DOCK9: variants seen among roughly 807,000 people sequenced by gnomAD.
DOCK9 encodes dedicator of cytokinesis 9, also known as dedicator of cytokinesis protein 9.
DOCK9 carries 89 observed loss-of-function variants against 263.3 expected under a neutral mutation model. The ratio of observed to expected loss-of-function variants is 0.34; its 90% CI spans 0.28 to 0.40. DOCK9 has a LOEUF of 0.40. DOCK9 is among the 10% of genes least tolerant of loss of function. The pLI is 1.00. For missense variants in DOCK9, 2,140 were observed against 2,603.4 expected (o/e 0.82, Z 3.87); for synonymous variants, 976 against 973.1 (o/e 1.00, Z -0.06).
chr13:99,058,088 T>C (rs941376515), intron 1 of DOCK9, among the ~76,000 whole-genome samples: 2 of 151,670 alleles, frequency 1.3e-5, no homozygotes, highest in African/African-American at 4.8e-5. Context: ...AAGAAAAATA[T>C]GAAATGTCCC....
intron 1 of DOCK9, among the ~76,000 whole-genome samples, chr13:98,960,701 G>C (rs558209938): frequency 5.3e-5 from 8 of 152,296 alleles, no homozygotes; most frequent in African/African-American, 1.9e-4. Context: ...CTGGGAACTG[G>C]TTACAAACGT....
At chr13:99,046,892 G>A (rs1199760259) in intron 1 of DOCK9, among the ~76,000 whole-genome samples, 2 of 152,186 alleles carry the variant, frequency 1.3e-5, no homozygotes, top group African/African-American at 4.8e-5. Context: ...TTTTTAAAAG[G>A]TTCCTGTTTA....
intron 1 of DOCK9, among the ~76,000 whole-genome samples, chr13:99,032,067 A>T (rs941235930): frequency 6.6e-6 from 1 of 152,208 alleles, no homozygotes; most frequent in Non-Finnish European, 1.5e-5. Flanking sequence ...ACTAATGATA[A>T]CCCATCAGAG....
chr13:98,979,242 G>GGCAGCAGCA (rs71114566), upstream of DOCK9, among the ~76,000 whole-genome samples: 1 of 136,176 alleles, frequency 7.3e-6, no homozygotes. Context: ...CAGCAGCGGC[G>GGCAGCAGCA]GCAGCAGCAG....
chr13:98,965,652 GCATACA>G (rs1210871553), intron 1 of DOCK9, among the ~76,000 whole-genome samples: 1 of 152,138 alleles, frequency 6.6e-6, no homozygotes, highest in East Asian at 1.9e-4. Context: ...TTGACAATGT[GCATACA>G]CATGTAATCT....
intron 1 of DOCK9, among the ~76,000 whole-genome samples, chr13:99,045,714 A>G (rs2142161771): frequency 6.6e-6 from 1 of 152,190 alleles, no homozygotes; most frequent in Middle Eastern, 3.4e-3. Context: ...CCCTAAATAT[A>G]CGGAATTTTT....
intron 50 of DOCK9, among the ~76,000 whole-genome samples, chr13:98,798,928 C>A (rs923509914): frequency 6.6e-6 from 1 of 152,150 alleles, no homozygotes; most frequent in African/African-American, 2.4e-5. Flanking sequence ...CCAGCCCTAC[C>A]CTGGACTGGT....
chr13:98,875,320 T>C (rs924702021), intron 27 of DOCK9, among the ~76,000 whole-genome samples: 2 of 108,358 alleles, frequency 1.8e-5, no homozygotes, highest in Non-Finnish European at 4.4e-5. Context: ...CTATCACATA[T>C]GTATAGTGTT....
chr13:99,050,770 CATCT>C (rs1162518020), intron 1 of DOCK9, among the ~76,000 whole-genome samples: 1 of 152,196 alleles, frequency 6.6e-6, no homozygotes, highest in East Asian at 1.9e-4. Context: ...AAACTCTCTC[CATCT>C]ATCCCCTAGA....
At position 98,830,364 on chromosome 13, in the gene DOCK9, G is replaced by A. The variant is rs1290660722; in HGVS notation, c.4636-608C>T. The stretch of plus-strand genomic sequence containing the variant: ...CTTCCTTCTTACCTCACCATCCCTG[G>A]TCTAGGATACCATCCTCTCTGACCT... On this transcript the variant is annotated intron_variant, in intron 41 of 52. Transcript: ENST00000682017. 5.9e-5 allele frequency among the ~76,000 whole-genome samples: 9 copies of A among 152,132 alleles called. No individual in the cohort carries two copies. The South Asian group carries it at 1.7e-3, about 28-fold the overall frequency.
intron 33 of DOCK9, chr13:98,859,900 C>G (rs2093812684): frequency 6.5e-6 from 1 of 152,774 alleles, no homozygotes; most frequent in African/African-American, 2.4e-5. Flanking sequence ...ACGTGTTTTT[C>G]TCTCAGAGGT....
intron 2 of DOCK9, among the ~76,000 whole-genome samples, chr13:98,942,453 T>C (rs1322202011): frequency 6.6e-6 from 1 of 152,076 alleles, no homozygotes; most frequent in Non-Finnish European, 1.5e-5. Context: ...TTAGCCAGGA[T>C]GGTCTCGATC....
intron 7 of DOCK9, among the ~76,000 whole-genome samples, chr13:98,919,205 G>T (rs987051161): frequency 3.3e-5 from 5 of 152,018 alleles, no homozygotes; most frequent in Admixed American, 1.3e-4. Context: ...CGCCTCCCAG[G>T]TTCAAGTGAT....
chr13:99,014,671 A>G (rs1885097915), intron 1 of DOCK9, among the ~76,000 whole-genome samples: 1 of 152,226 alleles, frequency 6.6e-6, no homozygotes, highest in African/African-American at 2.4e-5. Flanking sequence ...ACTCTGAGAT[A>G]TATTTGTCCC....
chr13:98,951,819 A>ATCAGCTAGTGAC (rs1209830938), intron 2 of DOCK9, among the ~76,000 whole-genome samples: 1 of 152,136 alleles, frequency 6.6e-6, no homozygotes, highest in African/African-American at 2.4e-5. Flanking sequence ...AAGAAGGGCC[A>ATCAGCTAGTGAC]TCAGCTAGTG....
At chr13:98,906,855 C>G (rs1279779500) in intron 9 of DOCK9, among the ~76,000 whole-genome samples, 1 of 152,170 alleles carries the variant, frequency 6.6e-6, no homozygotes, top group African/African-American at 2.4e-5. Flanking sequence ...GTGCAAGCTA[C>G]TTAGCCTCTC....
In DOCK9 at chr13:98,883,909, A is replaced by G; in HGVS notation, c.2383-10T>C. The G allele has an allele frequency of 6.3e-7, 1 of 1,588,426 alleles. No individual in the cohort carries two copies. Among genetic ancestry groups the G allele is most frequent in the Non-Finnish European group, 8.6e-7 (1 of 1,162,816 alleles). On this transcript the variant is annotated splice_polypyrimidine_tract_variant and intron_variant, in intron 21 of 52. Coordinates refer to ENST00000682017, the MANE Select transcript of DOCK9 (RefSeq NM_001366683.2). Reference sequence around the variant, plus strand: ...TTTCCGGACCATAATGCTAAAAAAAATATGGAAGAAACAATATCCCTACAG... The same window carrying G: ...TTTCCGGACCATAATGCTAAAAAAAGTATGGAAGAAACAATATCCCTACAG...
intron 1 of DOCK9, among the ~76,000 whole-genome samples, chr13:99,059,701 C>T (rs2041093036): frequency 6.6e-6 from 1 of 152,168 alleles, no homozygotes; most frequent in African/African-American, 2.4e-5. Flanking sequence ...CAAAACTCAT[C>T]CAAAGCATAC....
chr13:99,017,099 GA>G (rs1403842280), intron 1 of DOCK9, among the ~76,000 whole-genome samples: 2 of 152,202 alleles, frequency 1.3e-5, no homozygotes, highest in African/African-American at 2.4e-5. Context: ...AAGATGGGGA[GA>G]TGTTGGCCAC....
Sources: allele counts gnomAD v4.1 joint callset (sites outside exome capture counted in the v4.1 genomes callset), GRCh38; gene constraint gnomAD v4.1.1; transcripts MANE v1.5; gene names NCBI Gene and HGNC (gene_info 2026-07-23, HGNC 2026-07-21).